CACNA1C: variants seen among roughly 807,000 people sequenced by gnomAD.
The protein encoded by CACNA1C is calcium voltage-gated channel subunit alpha1 C.
A neutral mutation model predicts 229.0 loss-of-function variants in CACNA1C; 30 were observed. That is an observed-to-expected ratio of 0.13 (90% CI 0.10 to 0.18). The LOEUF (loss-of-function observed/expected upper bound fraction) is 0.18. Among genes scored for constraint, CACNA1C ranks in the 10% least tolerant of loss-of-function variants. The pLI is 1.00. For synonymous variants in CACNA1C, 1,114 were observed against 1,132.5 expected (o/e 0.98, Z 0.33); for missense variants, 1,658 against 2,845.0 (o/e 0.58, Z 9.49).
At chr12:2,435,002 T>C (rs2099120485) in intron 3 of CACNA1C, among the ~76,000 whole-genome samples, 1 of 152,254 alleles carries the variant, frequency 6.6e-6, no homozygotes, top group African/African-American at 2.4e-5. Flanking sequence ...AGGTCCCAGA[T>C]ACAACATCCT....
At position 2,679,894 on chromosome 12, in the gene CACNA1C, G is replaced by A. The variant is rs1245221039; in HGVS notation, c.5444+98G>A. The A allele has an allele frequency of 1.1e-6, 1 of 876,024 alleles. No individual in the cohort carries two copies. The highest frequency in any genetic ancestry group is 1.7e-6 in the Non-Finnish European group (1 of 573,744). The allele number at this position is 876,024 out of a possible 1,614,324, so 54.3% of individuals were successfully genotyped here. A position where few individuals can be genotyped will look rare whatever the true frequency, so the allele number is the denominator to read the frequency against. On this transcript the variant is annotated intron_variant, in intron 42 of 46. Transcript: ENST00000399655. The surrounding 1 kb of genome is among the most constrained non-coding windows in gnomAD (Gnocchi z 5.5). ...AGACGGAGGCCTCGGCCAGCCACTT[G>A]TCCCTCAAGCTTCCAGGAGGTTGCT...
rs74392833 is a variant in CACNA1C, at chr12:2,372,289, T to C, written c.478-76687T>C. ...CAGCTGATTGGTTTAGGAAGAGAACTGTGTACAGCCTCCCCCACATCTCCC... is the reference window on the plus strand; with the variant it reads ...CAGCTGATTGGTTTAGGAAGAGAACCGTGTACAGCCTCCCCCACATCTCCC... On this transcript the variant is annotated intron_variant, in intron 3 of 46. Coordinates refer to ENST00000399655, the MANE Select transcript of CACNA1C (RefSeq NM_000719.7). Among the ~76,000 whole-genome samples the C allele has an allele frequency of 5.3e-5, 8 of 152,350 alleles. No homozygotes were observed. The East Asian group carries it at 1.5e-3, about 29-fold the overall frequency.
chr12:2,631,099 G>A (rs1456415397), intron 29 of CACNA1C, among the ~76,000 whole-genome samples: 1 of 152,166 alleles, frequency 6.6e-6, no homozygotes, highest in Non-Finnish European at 1.5e-5. Flanking sequence ...GTGTTTCTCT[G>A]GTTTTCAACA....
At chr12:2,463,890 T>G (rs527416794) in intron 5 of CACNA1C, among the ~76,000 whole-genome samples, 1 of 152,338 alleles carries the variant, frequency 6.6e-6, no homozygotes, top group Non-Finnish European at 1.5e-5. Flanking sequence ...CTGTGGAGCA[T>G]GCGTATTACA....
intron 3 of CACNA1C, among the ~76,000 whole-genome samples, chr12:2,333,148 C>T (rs1342565907): frequency 1.3e-5 from 2 of 152,192 alleles, no homozygotes; most frequent in Admixed American, 6.5e-5. Context: ...GAGTGTGGCA[C>T]ACCTACAGGT....
intron 3 of CACNA1C, among the ~76,000 whole-genome samples, chr12:2,436,391 C>T (rs1160852329): frequency 4.6e-5 from 7 of 152,200 alleles, no homozygotes; most frequent in African/African-American, 1.4e-4. Flanking sequence ...CTCCTCACCC[C>T]GGCCTCTCTA....
At chr12:2,122,182 G>A (rs2087088908) in intron 3 of CACNA1C, among the ~76,000 whole-genome samples, 2 of 152,194 alleles carry the variant, frequency 1.3e-5, no homozygotes, top group South Asian at 2.1e-4. Context: ...GATGAGGTGG[G>A]AGGGATGGCA....
chr12:2,539,939 A>T (rs967573917), intron 9 of CACNA1C, among the ~76,000 whole-genome samples: 6 of 152,168 alleles, frequency 3.9e-5, no homozygotes, highest in Non-Finnish European at 7.4e-5. Context: ...AGCTGTGTGG[A>T]TCTGTTACCG....
In CACNA1C at chr12:2,152,443, G is replaced by A. The variant is rs1388968984; in HGVS notation, c.477+32013G>A. Among the ~76,000 whole-genome samples the A allele has an allele frequency of 6.6e-6, 1 of 152,198 alleles. No individual in the cohort carries two copies. Among genetic ancestry groups the A allele is most frequent in the Non-Finnish European group, 1.5e-5 (1 of 68,038 alleles). Reference sequence around the variant, plus strand: ...GCCCTTTCCCTTTCTCCCTCTGCAGGCGTGTTGCCGTCATGGTGAGGAGCC... The same window carrying A: ...GCCCTTTCCCTTTCTCCCTCTGCAGACGTGTTGCCGTCATGGTGAGGAGCC... On this transcript the variant is annotated intron_variant, in intron 3 of 46. Transcript: ENST00000399655. The surrounding 1 kb of genome is among the most constrained non-coding windows in gnomAD (Gnocchi z 4.2).
chr12:2,484,116 G>A (rs540937853), intron 5 of CACNA1C, among the ~76,000 whole-genome samples: 60 of 152,252 alleles, frequency 3.9e-4, no homozygotes, highest in Non-Finnish European at 6.5e-4. Flanking sequence ...TTAAAATCCC[G>A]TTAAGGAACA....
chr12:2,051,013 G>A (rs1431354891), upstream of CACNA1C, among the ~76,000 whole-genome samples: 1 of 152,112 alleles, frequency 6.6e-6, no homozygotes, highest in Non-Finnish European at 1.5e-5. Context: ...ATTTTAGTGG[G>A]GGGATACAGA....
chr12:2,081,037 T>G (rs2065391472), intron 1 of CACNA1C, among the ~76,000 whole-genome samples: 1 of 152,226 alleles, frequency 6.6e-6, no homozygotes, highest in African/African-American at 2.4e-5. Flanking sequence ...CACTGAGTAT[T>G]GAGTAGGGTA....
chr12:2,236,253 G>A (rs1209460308), intron 3 of CACNA1C, among the ~76,000 whole-genome samples: 1 of 152,128 alleles, frequency 6.6e-6, no homozygotes, highest in African/African-American at 2.4e-5. Context: ...TTCGGGTTGG[G>A]GCCTGAGAAT....
chr12:1,992,876 A>C, intron 1 of CACNA1C: 1 of 456,726 alleles, frequency 2.2e-6, no homozygotes, highest in Non-Finnish European at 3.9e-6. Context: ...AGTGATACAT[A>C]AAGAAAAAGT....
intron 11 of CACNA1C, among the ~76,000 whole-genome samples, chr12:2,563,252 G>A (rs559639655): frequency 7.9e-5 from 12 of 152,278 alleles, no homozygotes; most frequent in Non-Finnish European, 1.6e-4. Context: ...TTGTGTACAT[G>A]TACCACATTT....
intron 3 of CACNA1C, among the ~76,000 whole-genome samples, chr12:2,339,293 A>G (rs1247195314): frequency 6.6e-6 from 1 of 152,252 alleles, no homozygotes; most frequent in Non-Finnish European, 1.5e-5. Flanking sequence ...AGATTAAGAA[A>G]GTGGTTTGCC....
chr12:2,545,037 T>C (rs143547590), intron 9 of CACNA1C, among the ~76,000 whole-genome samples: 165 of 152,278 alleles, frequency 1.1e-3, no homozygotes, highest in African/African-American at 3.8e-3. Context: ...CATGACCTTT[T>C]TTGGTGTAAG....
intron 4 of CACNA1C, among the ~76,000 whole-genome samples, chr12:2,452,141 T>C (rs936351799): frequency 1.4e-4 from 21 of 152,156 alleles, no homozygotes; most frequent in African/African-American, 5.1e-4. Context: ...TGGGGGAGCC[T>C]AACTCACCCT....
intron 38 of CACNA1C, among the ~76,000 whole-genome samples, chr12:2,671,698 G>A (rs550148586): frequency 1.1e-4 from 17 of 152,314 alleles, no homozygotes; most frequent in South Asian, 8.3e-4. Flanking sequence ...GTAACAATGC[G>A]AAAGACTGAC....
Sources: allele counts gnomAD v4.1 joint callset (sites outside exome capture counted in the v4.1 genomes callset), GRCh38; gene constraint gnomAD v4.1.1; non-coding constraint Gnocchi (gnomAD v3.1); transcripts MANE v1.5; gene names NCBI Gene and HGNC (gene_info 2026-07-23, HGNC 2026-07-21).